The following DOCK8 variants were observed in gnomAD, a reference collection of about 807,000 sequenced individuals.
The protein encoded by DOCK8 is dedicator of cytokinesis protein 8.
Under a neutral mutation model 245.6 loss-of-function variants are expected in DOCK8, and 141 were observed. That is an observed-to-expected ratio of 0.57 (90% CI 0.50 to 0.66). DOCK8 has a LOEUF of 0.66. Ranked by LOEUF, DOCK8 falls within the 30% of genes least tolerant of loss-of-function variation. DOCK8 has a pLI of 0.00. For synonymous variants in DOCK8, 1,168 were observed against 970.2 expected (o/e 1.20, Z -3.79); for missense variants, 2,965 against 2,603.4 (o/e 1.14, Z -3.02).
At chr9:346,317 C>T (rs1209441307) in intron 14 of DOCK8, among the ~76,000 whole-genome samples, 1 of 151,646 alleles carries the variant, frequency 6.6e-6, no homozygotes, top group African/African-American at 2.4e-5. Flanking sequence ...GTACTAGAGA[C>T]ACCAGCTGCT....
chr9:240,961 C>G (rs1402434104), intron 1 of DOCK8, among the ~76,000 whole-genome samples: 1 of 152,088 alleles, frequency 6.6e-6, no homozygotes, highest in Non-Finnish European at 1.5e-5. Context: ...TCTTTTTCCT[C>G]TTATCTTTTA....
chr9:314,219 C>G (rs981984275), intron 6 of DOCK8: 1 of 152,160 alleles, frequency 6.6e-6, no homozygotes, highest in Non-Finnish European at 1.5e-5. Flanking sequence ...GACATTAAGA[C>G]TTTTTACCAG....
At chr9:460,284 G>C (rs2057764350) in intron 46 of DOCK8, 1 of 152,224 alleles carries the variant, frequency 6.6e-6, no homozygotes, top group African/African-American at 2.4e-5. Context: ...GTGTTAGCTA[G>C]CTGCTGCTAC....
chr9:463,836 T>C (rs1222384396), intron 47 of DOCK8, 149 bp downstream of exon 47: 3 of 954,352 alleles, frequency 3.1e-6, no homozygotes, highest in Non-Finnish European at 4.8e-6. Flanking sequence ...GCTACCAGAG[T>C]GTGATTCATT....
chr9:365,484 G>A, intron 14 of DOCK8: 1 of 415,756 alleles, frequency 2.4e-6, no homozygotes, highest in Admixed American at 3.2e-5. Context: ...CAAAAATCAT[G>A]CCTTTAGAAG....
intron 37 of DOCK8, among the ~76,000 whole-genome samples, chr9:433,387 G>A (rs1383853894): frequency 2.0e-5 from 3 of 152,214 alleles, no homozygotes; most frequent in East Asian, 1.9e-4. Context: ...TGTACTGCAG[G>A]CTCCCCTGGA....
intron 24 of DOCK8, among the ~76,000 whole-genome samples, chr9:396,236 A>G (rs1209372550): frequency 6.6e-6 from 1 of 152,172 alleles, no homozygotes; most frequent in African/African-American, 2.4e-5. Flanking sequence ...AATTTATAGG[A>G]GCAGAAGATA....
In DOCK8 at chr9:414,960, C is replaced by G; in HGVS notation, c.3700+9C>G. 1 of 1,612,756 alleles carries G rather than the reference C, an allele frequency of 6.2e-7. No individual in the cohort carries two copies. Among genetic ancestry groups the G allele is most frequent in the African/African-American group, 1.3e-5 (1 of 74,974 alleles). On this transcript the variant is annotated intron_variant, in intron 29 of 47. Transcript: ENST00000432829. ...GCTCTGTGACTTTACAGGTAATGGC[C>G]CTTCTGTTTTCTTTCTTGGATTGTT...
At chr9:424,240 C>T (rs1369509417) in intron 33 of DOCK8, among the ~76,000 whole-genome samples, 1 of 152,004 alleles carries the variant, frequency 6.6e-6, no homozygotes, top group African/African-American at 2.4e-5. Flanking sequence ...ACATTAGAAT[C>T]ACCTGGGGAG....
At chr9:270,523 G>T (rs113289011) in intron 1 of DOCK8, among the ~76,000 whole-genome samples, 30 of 152,322 alleles carry the variant, frequency 2.0e-4, no homozygotes, top group Middle Eastern at 3.4e-3. Flanking sequence ...GCCTTTCTAG[G>T]TGTAACTCAT....
At chr9:234,581 A>C (rs915204697) in intron 1 of DOCK8, among the ~76,000 whole-genome samples, 39 of 152,156 alleles carry the variant, frequency 2.6e-4, no homozygotes, top group African/African-American at 8.9e-4. Flanking sequence ...TATTTCTTGG[A>C]GGCTTTGTTT....
At chr9:280,335 T>C (rs540853965) in intron 2 of DOCK8, among the ~76,000 whole-genome samples, 1 of 152,286 alleles carries the variant, frequency 6.6e-6, no homozygotes, top group Non-Finnish European at 1.5e-5. Context: ...TAGCCTAGTG[T>C]CTGTAGGACC....
chr9:328,250 C>G, intron 9 of DOCK8, 79 bp downstream of exon 9: 1 of 1,512,734 alleles, frequency 6.6e-7, no homozygotes, highest in Non-Finnish European at 9.0e-7. Context: ...GGGGTGCACG[C>G]AATCTCAGAA....
chr9:396,456 C>T (rs757107012), intron 24 of DOCK8, among the ~76,000 whole-genome samples: 3 of 152,174 alleles, frequency 2.0e-5, no homozygotes, highest in Non-Finnish European at 4.4e-5. Flanking sequence ...TAGCTGGTTA[C>T]AGGAGCCCAG....
chr9:399,712 G>T (rs902358867), intron 26 of DOCK8, among the ~76,000 whole-genome samples: 2 of 151,990 alleles, frequency 1.3e-5, no homozygotes, highest in Non-Finnish European at 2.9e-5. Flanking sequence ...CATTCAAAGA[G>T]ATTTAATTTC....
chr9:461,844 G>A (rs181909550), intron 46 of DOCK8, among the ~76,000 whole-genome samples: 11 of 152,020 alleles, frequency 7.2e-5, no homozygotes, highest in African/African-American at 2.4e-4. Context: ...ACCCAGCCTA[G>A]TGACTGCATT....
chr9:364,773 A>G (rs946684949), intron 14 of DOCK8, among the ~76,000 whole-genome samples: 8 of 151,932 alleles, frequency 5.3e-5, no homozygotes, highest in African/African-American at 1.5e-4. Context: ...TTATACTTTT[A>G]TGTACTTTTA....
At chr9:460,184 C>G (rs2057760729) in intron 46 of DOCK8, 1 of 152,212 alleles carries the variant, frequency 6.6e-6, no homozygotes, top group African/African-American at 2.4e-5. Flanking sequence ...GTTAAGTCAT[C>G]CTGCTAATGA....
intron 45 of DOCK8, among the ~76,000 whole-genome samples, chr9:451,198 G>GC (rs1340029118): frequency 1.3e-5 from 2 of 151,888 alleles, no homozygotes; most frequent in Non-Finnish European, 2.9e-5. Flanking sequence ...TGTAGTCCCA[G>GC]TACTTGGGAG....
Sources: allele counts gnomAD v4.1 joint callset (sites outside exome capture counted in the v4.1 genomes callset), GRCh38; gene constraint gnomAD v4.1.1; transcripts MANE v1.5; gene names NCBI Gene and HGNC (gene_info 2026-07-23, HGNC 2026-07-21).